USB1: variants seen among roughly 807,000 people sequenced by gnomAD.
USB1 encodes U6 snRNA phosphodiesterase 1.
Under a neutral mutation model 29.9 loss-of-function variants are expected in USB1, and 21 were observed. That is an observed-to-expected ratio of 0.70 (90% CI 0.50 to 1.01). The LOEUF is 1.01. Ranked by LOEUF, USB1 falls within the 50% of genes least tolerant of loss-of-function variation. The pLI, the probability that USB1 is intolerant of heterozygous loss-of-function variation, is 0.00. For synonymous variants in USB1, 143 were observed against 134.9 expected, an observed-to-expected ratio of 1.06 and a Z score of -0.42; for missense variants, 330 against 347.1, an observed-to-expected ratio of 0.95 and a Z score of 0.39.
chr16:58,009,351 C>T (rs78701777), intron 2 of USB1, among the ~76,000 whole-genome samples: 3,354 of 152,258 alleles, frequency 0.022, 58 homozygotes, highest in Non-Finnish European at 0.036. Context: ...TCCCCTAGGT[C>T]AGTTAAGAGT....
Position 58,013,195 on chromosome 16 carries a change from GC to G in USB1, c.450-1076del, listed in dbSNP as rs1176913560. ...CCTGCCTCTGGAGTAGGGGTGGAGA[GC>G]CATCCTGCAACACGAGGTTACCAGG... On this transcript the variant is annotated intron_variant, in intron 3 of 6. Transcript: ENST00000219281. This position sits in a 1 kb window ranked among gnomAD's most constrained non-coding sequence, Gnocchi z 4.3. 5 of 985,350 alleles carry G rather than the reference GC, an allele frequency of 5.1e-6. No individual in the cohort carries two copies. The African/African-American group carries it at 7.0e-5, about 14-fold the overall frequency. 61.0% of individuals were successfully genotyped at this position (985,350 alleles called of 1,614,324 possible). A position where few individuals can be genotyped will look rare whatever the true frequency, so the allele number is the denominator to read the frequency against.
Position 58,020,455 on chromosome 16 carries a change from CTCTT to C in USB1, c.*214_*217del, listed in dbSNP as rs998668930. On this transcript the variant is annotated 3_prime_UTR_variant, in exon 7 of 7. Coordinates refer to ENST00000219281, the MANE Select transcript of USB1 (RefSeq NM_024598.4). ...TCCTCTTCTTTCTCTCTCTTCTCCT[CTCTT>C]TCTCTCCTCTGTCTCTCTTCCTCTC... 10 of 598,386 alleles carry C rather than the reference CTCTT, an allele frequency of 1.7e-5. No individual in the cohort carries two copies. Among genetic ancestry groups the C allele is most frequent in the African/African-American group, 9.3e-5 (5 of 54,000 alleles). The allele number at this position is 598,386 out of a possible 1,614,324, so 37.1% of individuals were successfully genotyped here.
intron 2 of USB1, among the ~76,000 whole-genome samples, chr16:58,006,889 C>T (rs1294984772): frequency 6.6e-6 from 1 of 152,196 alleles, no homozygotes; most frequent in Non-Finnish European, 1.5e-5. Flanking sequence ...CAAAGTTCCC[C>T]TCTATTCCTA....
chr16:58,001,329 A>G (rs1311696164), upstream of USB1: 2 of 853,414 alleles, frequency 2.3e-6, no homozygotes, highest in Non-Finnish European at 3.8e-6. Context: ...CTGAATCTTC[A>G]CCACTGTCCT....
At chr16:58,014,233 T>C (rs1231176773) in intron 3 of USB1, 40 bp from the exon 4 acceptor site, 7 of 1,559,924 alleles carry the variant, frequency 4.5e-6, no homozygotes, top group Non-Finnish European at 6.2e-6. Flanking sequence ...CTGCTTTTTT[T>C]CTTACGATTT....
intron 1 of USB1, among the ~76,000 whole-genome samples, chr16:58,002,259 C>T (rs577998419): frequency 1.3e-5 from 2 of 152,264 alleles, no homozygotes; most frequent in East Asian, 3.9e-4. Context: ...TTGTTGCATG[C>T]CCTGTTGTTT....
chr16:58,006,082 G>A lies in USB1; in HGVS notation c.265+3437G>A, dbSNP rs187589386. Among the ~76,000 whole-genome samples, 285 of 152,272 alleles carry A rather than the reference G, an allele frequency of 1.9e-3. 3 individuals are homozygous for A. Among genetic ancestry groups the A allele is most frequent in the African/African-American group, 6.5e-3 (271 of 41,560 alleles). ...TATGAAGAAAAACACGCTGGGTGTG[G>A]TGGCTCACACCTGTAATCCCAGCAC... On this transcript the variant is annotated intron_variant, in intron 2 of 6. Coordinates refer to ENST00000219281, the MANE Select transcript of USB1 (RefSeq NM_024598.4).
At chr16:58,004,248 G>A (rs762694373) in intron 2 of USB1, among the ~76,000 whole-genome samples, 15 of 152,022 alleles carry the variant, frequency 9.9e-5, no homozygotes, top group Admixed American at 7.9e-4. Context: ...GCCAAAGATC[G>A]GTTGACTGTA....
At chr16:58,000,801 C>T (rs1316618322), upstream of USB1, among the ~76,000 whole-genome samples, 1 of 152,018 alleles carries the variant, frequency 6.6e-6, no homozygotes, top group Non-Finnish European at 1.5e-5. This position sits in a 1 kb window ranked among gnomAD's most constrained non-coding sequence, Gnocchi z 4.5. Context: ...GACCCCGTGG[C>T]CGGGCCAGGT....
intron 2 of USB1, among the ~76,000 whole-genome samples, chr16:58,007,740 A>G (rs1963394733): frequency 6.6e-6 from 1 of 151,974 alleles, no homozygotes; most frequent in Non-Finnish European, 1.5e-5. Flanking sequence ...ATCATCCAGC[A>G]CTTTGGGAGG....
rs1963726797 is a variant in USB1 at position 58,020,881 on chromosome 16, C to G, written c.*636C>G. 1 of 161,440 alleles carries G rather than the reference C, an allele frequency of 6.2e-6. No individual in the cohort carries two copies. Among genetic ancestry groups the G allele is most frequent in the African/African-American group, 2.4e-5 (1 of 41,506 alleles). 10.0% of individuals were successfully genotyped at this position (161,440 alleles called of 1,614,324 possible). On this transcript the variant is annotated 3_prime_UTR_variant, in exon 7 of 7. Coordinates refer to ENST00000219281, the MANE Select transcript of USB1 (RefSeq NM_024598.4). The stretch of plus-strand genomic sequence containing the variant: ...CAGCCTGGGCATCCTAATGCTTACT[C>G]TGGTTGTTACACAAAGAAAATATTG...
intron 6 of USB1, 140 bp from the exon 7 acceptor site, chr16:58,020,001 G>C: frequency 1.3e-6 from 1 of 761,962 alleles, no homozygotes; most frequent in Non-Finnish European, 2.3e-6. Flanking sequence ...GATCAGACAA[G>C]ATCACCAATG....
chr16:58,020,461 C>T lies in USB1; in HGVS notation c.*216C>T. 1 of 604,124 alleles carries T rather than the reference C, an allele frequency of 1.7e-6. No individual in the cohort carries two copies. Among genetic ancestry groups the T allele is most frequent in the East Asian group, 2.8e-5 (1 of 35,208 alleles). 37.4% of individuals were successfully genotyped at this position (604,124 alleles called of 1,614,324 possible). A position where few individuals can be genotyped will look rare whatever the true frequency, so the allele number is the denominator to read the frequency against. ...TCTTTCTCTCTCTTCTCCTCTCTTTCTCTCCTCTGTCTCTCTTCCTCTCCT... is the reference window on the plus strand; with the variant it reads ...TCTTTCTCTCTCTTCTCCTCTCTTTTTCTCCTCTGTCTCTCTTCCTCTCCT... On this transcript the variant is annotated 3_prime_UTR_variant, in exon 7 of 7. Transcript: ENST00000219281.
At chr16:58,018,191 A>C (rs1423933111) in intron 5 of USB1, among the ~76,000 whole-genome samples, 1 of 151,718 alleles carries the variant, frequency 6.6e-6, no homozygotes, top group Non-Finnish European at 1.5e-5. Context: ...GGAGGCTAGA[A>C]GTCCAAGATC....
chr16:58,014,069 G>A, intron 3 of USB1: 1 of 578,136 alleles, frequency 1.7e-6, no homozygotes. Context: ...GGATGATGTT[G>A]TGTGTTACTC....
intron 4 of USB1, chr16:58,015,621 AT>A (rs1158123974): frequency 1.3e-5 from 2 of 152,190 alleles, no homozygotes; most frequent in African/African-American, 4.8e-5. Context: ...GAGACAGATA[AT>A]AAACAAGTAA....
rs374426055 is a variant in USB1, at chr16:58,017,363, G to A, written c.533G>A (p.Gly178Glu). Reference sequence around the variant, plus strand: ...TTTATTGGGCTTGAGGTCACTTCAGGGCATGCCCAGTTCCTGGACCTGGTT... The same window carrying A: ...TTTATTGGGCTTGAGGTCACTTCAGAGCATGCCCAGTTCCTGGACCTGGTT... ...RTFIGLEVTS[G>E]HAQFLDLVSE... Residue 178 changes from glycine to glutamate, a missense_variant, in exon 5 of 7, where the codon GGG (glycine) becomes GAG (glutamate). Physicochemically the swap from Gly to Glu is moderately conservative, Grantham distance 98. Coordinates refer to ENST00000219281, the MANE Select transcript of USB1 (RefSeq NM_024598.4). 3.9e-5 allele frequency: 63 copies of A among 1,614,042 alleles called. No homozygotes were observed. Among genetic ancestry groups the A allele is most frequent in the Non-Finnish European group, 5.2e-5 (61 of 1,180,034 alleles).
chr16:58,011,814 C>T (rs1415411218), intron 3 of USB1: 3 of 988,318 alleles, frequency 3.0e-6, no homozygotes, highest in Non-Finnish European at 3.6e-6. Context: ...TGAATTGCCC[C>T]ACAGCTTTTT....
chr16:58,014,307 A>T lies in USB1; in HGVS notation c.484A>T (p.Thr162Ser). ...TACTGCCAACCAGGTAAAGATTTAC[A>T]CCAATCAAGAGAAAACCAGGTGGGT... ...FFTANQVKIY[T>S]NQEKTRTFIG... The change falls in exon 4 of 7, where the codon ACC (threonine) becomes TCC (serine). Residue 162 changes from threonine to serine, a missense_variant. By Grantham distance (58) the Thr-to-Ser change is moderately conservative (BLOSUM62 1). Coordinates refer to ENST00000219281, the MANE Select transcript of USB1 (RefSeq NM_024598.4). 1 of 1,613,868 alleles carries T rather than the reference A, an allele frequency of 6.2e-7. No homozygotes were observed. Among genetic ancestry groups the T allele is most frequent in the Non-Finnish European group, 8.5e-7 (1 of 1,179,798 alleles).
Sources: allele counts gnomAD v4.1 joint callset (sites outside exome capture counted in the v4.1 genomes callset), GRCh38; gene constraint gnomAD v4.1.1; non-coding constraint Gnocchi (gnomAD v3.1); transcripts MANE v1.5; gene names NCBI Gene and HGNC (gene_info 2026-07-23, HGNC 2026-07-21).